Variants in IMPG2 observed in about 807,000 individuals in gnomAD.
The protein encoded by IMPG2 is IPM 200.
A neutral mutation model predicts 129.2 loss-of-function variants in IMPG2; 91 were observed. The ratio of observed to expected loss-of-function variants is 0.70; its 90% CI spans 0.59 to 0.84. The LOEUF (loss-of-function observed/expected upper bound fraction) is 0.84. Among genes scored for constraint, IMPG2 ranks in the 40% least tolerant of loss-of-function variants. The pLI is 0.00. For synonymous variants in IMPG2, 510 were observed against 517.7 expected (o/e 0.99, Z 0.20); for missense variants, 1,430 against 1,461.7 (o/e 0.98, Z 0.35).
chr3:101,247,076 A>C (rs1337973027), intron 11 of IMPG2, among the ~76,000 whole-genome samples: 1 of 151,434 alleles, frequency 6.6e-6, no homozygotes, highest in Admixed American at 6.6e-5. Context: ...AGCCTGGGCT[A>C]TAGAGCAAGA....
Position 101,244,551 on chromosome 3 carries a change from C to A in IMPG2, c.1780G>T (p.Glu594Ter). The A allele has an allele frequency of 6.3e-7, 1 of 1,594,748 alleles. No homozygotes were observed. The highest frequency in any genetic ancestry group is 8.5e-7 in the Non-Finnish European group (1 of 1,170,906). The change falls in exon 13 of 19, where the codon GAG becomes TAG. Residue 594 changes from glutamate (E) to a stop codon, truncating the protein, a stop_gained. Transcript: ENST00000193391. LOFTEE classifies it high-confidence loss of function. Reference protein sequence around the residue: ...PFLPDASMEKELIFDGGLGSG... With the variant: ...PFLPDASMEK Reference sequence around the variant, plus strand: ...CCTAAACCACCGTCAAATATTAACTCTTTTTCCATGGATGCATCTGGCAGG... The same window carrying A: ...CCTAAACCACCGTCAAATATTAACTATTTTTCCATGGATGCATCTGGCAGG...
chr3:101,303,519 G>A (rs1221323220), intron 3 of IMPG2, among the ~76,000 whole-genome samples: 1 of 152,160 alleles, frequency 6.6e-6, no homozygotes, highest in African/African-American at 2.4e-5. Context: ...CAAACAGCAT[G>A]AACAATTTGC....
intron 10 of IMPG2, 151 bp downstream of exon 10, chr3:101,257,378 C>G (rs533591064): frequency 2.3e-6 from 2 of 872,846 alleles, no homozygotes; most frequent in African/African-American, 3.4e-5. Context: ...AAAATAGCTG[C>G]ATGGCTAAAA....
rs746968834 is a variant in IMPG2 at position 101,246,089 on chromosome 3, G to C, written c.1256C>G (p.Ala419Gly). Residue 419 changes from alanine to glycine, a missense_variant, in exon 12 of 19, where the codon GCT becomes GGT. By Grantham distance (60) the Ala-to-Gly change is moderately conservative. Coordinates refer to ENST00000193391, the MANE Select transcript of IMPG2 (RefSeq NM_016247.4). ...PSSILDNTFQ[A>G]AWPSADESIT... ...GGATTCATCTGCTGAGGGCCATGCA[G>C]CTTGAAAGGTATTATCCTGGGGGGA... 1 of 1,614,030 alleles carries C rather than the reference G, an allele frequency of 6.2e-7. No individual in the cohort carries two copies.
rs761740447 is a variant in IMPG2, at chr3:101,228,802, T to G, written c.3708A>C (p.Gln1236His). The G allele has an allele frequency of 1.2e-6, 2 of 1,613,598 alleles. No homozygotes were observed. Among genetic ancestry groups the G allele is most frequent in the Non-Finnish European group, 1.7e-6 (2 of 1,179,552 alleles). ...GGGCTGTTTCAAAAGCTTACACTTGTTGCTCTCTCACAAAAGCTGCAAACT... is the reference window on the plus strand; with the variant it reads ...GGGCTGTTTCAAAAGCTTACACTTGGTGCTCTCTCACAAAAGCTGCAAACT... Reference protein sequence around the residue: ...DPEFAAFVREQQVEEV With the variant: ...DPEFAAFVREHQVEEV The change falls in exon 18 of 19, where the codon CAA (glutamine) becomes CAC (histidine). Residue 1236 changes from glutamine (Q) to histidine (H), a missense_variant. Gln to His is a conservative substitution (Grantham distance 24). Transcript: ENST00000193391.
chr3:101,304,064 T>G (rs896782483), intron 3 of IMPG2, 82 bp downstream of exon 3: 2 of 1,453,166 alleles, frequency 1.4e-6, no homozygotes, highest in Admixed American at 3.3e-5. Context: ...CATTTGCCAC[T>G]TGCTTTTGCT....
At chr3:101,247,440 A>G (rs998812735) in intron 11 of IMPG2, among the ~76,000 whole-genome samples, 1 of 152,192 alleles carries the variant, frequency 6.6e-6, no homozygotes, top group East Asian at 1.9e-4. Context: ...TCTGCTAAAA[A>G]TACAAAATTA....
chr3:101,295,582 C>G (rs2107130119), intron 3 of IMPG2, among the ~76,000 whole-genome samples: 1 of 151,894 alleles, frequency 6.6e-6, no homozygotes, highest in African/African-American at 2.4e-5. Flanking sequence ...GTAGTTTTTT[C>G]TAATTCTGTG....
At chr3:101,292,099 T>A (rs939183395) in intron 3 of IMPG2, among the ~76,000 whole-genome samples, 1 of 152,198 alleles carries the variant, frequency 6.6e-6, no homozygotes, top group African/African-American at 2.4e-5. Flanking sequence ...AGTTTCAAGT[T>A]CCAGTTTCCC....
At position 101,320,550 on chromosome 3, in the gene IMPG2, T is replaced by C; in HGVS notation, c.-178A>G. Reference sequence around the variant, plus strand: ...TAGCGGAAAGAAAAATGGTTGTCCTTTCAAAGTAGCTCTCACTTCTTTTCT... The same window carrying C: ...TAGCGGAAAGAAAAATGGTTGTCCTCTCAAAGTAGCTCTCACTTCTTTTCT... On this transcript the variant is annotated 5_prime_UTR_variant, in exon 1 of 19. Transcript: ENST00000193391. 1.7e-6 allele frequency: 1 copy of C among 597,964 alleles called. No individual in the cohort carries two copies. The highest frequency in any genetic ancestry group is 2.9e-5 in the East Asian group (1 of 34,622). 37.0% of individuals were successfully genotyped at this position (597,964 alleles called of 1,614,324 possible).
At chr3:101,239,469 C>G (rs1212692410) in intron 14 of IMPG2, among the ~76,000 whole-genome samples, 1 of 152,164 alleles carries the variant, frequency 6.6e-6, no homozygotes, top group Non-Finnish European at 1.5e-5. Flanking sequence ...AATAGGAACA[C>G]CTTTACACTG....
chr3:101,292,555 G>T (rs575808195), intron 3 of IMPG2, among the ~76,000 whole-genome samples: 1 of 152,164 alleles, frequency 6.6e-6, no homozygotes, highest in African/African-American at 2.4e-5. Flanking sequence ...CTTCTGGAGG[G>T]TCTTGCCTCC....
At chr3:101,268,650 G>A (rs994381464) in intron 8 of IMPG2, among the ~76,000 whole-genome samples, 7 of 151,964 alleles carry the variant, frequency 4.6e-5, no homozygotes, top group Admixed American at 4.6e-4. Flanking sequence ...CTGGCACACT[G>A]TAAATGCTAT....
At position 101,245,825 on chromosome 3, in the gene IMPG2, G is replaced by A. The variant is rs1218339124; in HGVS notation, c.1520C>T (p.Ser507Phe). Residue 507 changes from serine to phenylalanine, a missense_variant, in exon 12 of 19, where the codon TCT (serine) becomes TTT (phenylalanine). Coordinates refer to ENST00000193391, the MANE Select transcript of IMPG2 (RefSeq NM_016247.4). ...GLPVASEERT[S>F]GSHLVEDGLA... ...ACCATCTTCTACCAAGTGAGATCCA[G>A]AAGTCCTTTCCTCAGAAGCCACAGG... 6.2e-7 allele frequency: 1 copy of A among 1,613,998 alleles called. No homozygotes were observed. The highest frequency in any genetic ancestry group is 8.5e-7 in the Non-Finnish European group (1 of 1,179,972).
intron 2 of IMPG2, among the ~76,000 whole-genome samples, chr3:101,309,634 T>C (rs1274095775): frequency 1.3e-5 from 2 of 152,016 alleles, no homozygotes; most frequent in African/African-American, 2.4e-5. Flanking sequence ...ACACCCGACA[T>C]ATGGGGATTA....
intron 11 of IMPG2, among the ~76,000 whole-genome samples, chr3:101,252,479 C>G (rs940357369): frequency 6.6e-6 from 1 of 152,150 alleles, no homozygotes; most frequent in African/African-American, 2.4e-5. Context: ...TGGACAATAT[C>G]TGCATCACCT....
chr3:101,288,148 A>G (rs899526538), intron 4 of IMPG2, among the ~76,000 whole-genome samples: 3 of 152,184 alleles, frequency 2.0e-5, no homozygotes, highest in African/African-American at 7.2e-5. Context: ...AGCATCAGTA[A>G]CACTCAGGGA....
In IMPG2 at chr3:101,245,925, A is replaced by G. The variant is rs1327349887; in HGVS notation, c.1420T>C (p.Ser474Pro). ...LAFPSKMGLS[S>P]SPEVLEVSSL... is the part of the protein sequence containing the mutation. ...CTAACCTCTAAAACCTCTGGGGAAG[A>G]GCTGAGGCCCATCTTCGAGGGAAAG... Residue 474 changes from serine to proline, a missense_variant, in exon 12 of 19, where the codon TCT becomes CCT. Transcript: ENST00000193391. The G allele has an allele frequency of 4.3e-6, 7 of 1,614,068 alleles. No individual in the cohort carries two copies. Among genetic ancestry groups the G allele is most frequent in the Non-Finnish European group, 8.5e-7 (1 of 1,180,030 alleles).
At chr3:101,305,299 T>C (rs1183533315) in intron 2 of IMPG2, among the ~76,000 whole-genome samples, 3 of 152,068 alleles carry the variant, frequency 2.0e-5, no homozygotes, top group Non-Finnish European at 4.4e-5. Context: ...ATGGAGACAG[T>C]AAAAAGATCA....
Sources: gnomAD v4.1 joint callset for allele counts (sites outside exome capture counted in the v4.1 genomes callset) on GRCh38, gnomAD v4.1.1 for gene constraint, MANE v1.5 for transcripts, NCBI Gene and HGNC (gene_info 2026-07-23, HGNC 2026-07-21) for gene names.